Variants in AKAP6 observed in about 807,000 individuals in gnomAD.
AKAP6 encodes A-kinase anchor protein 6.
Under a neutral mutation model 188.5 loss-of-function variants are expected in AKAP6, and 58 were observed. The observed-to-expected ratio is 0.31, with a 90% CI of 0.25 to 0.38. The LOEUF (loss-of-function observed/expected upper bound fraction) is 0.38, where lower values mean the gene tolerates loss of function less well. Ranked by LOEUF, AKAP6 falls within the 10% of genes least tolerant of loss-of-function variation. The pLI is 1.00. For synonymous variants in AKAP6, 989 were observed against 998.6 expected, an observed-to-expected ratio of 0.99 and a Z score of 0.18; for missense variants, 2,710 against 2,740.0, an observed-to-expected ratio of 0.99 and a Z score of 0.24.
intron 7 of AKAP6, among the ~76,000 whole-genome samples, chr14:32,642,078 TA>T (rs1416941008): frequency 1.3e-5 from 2 of 152,214 alleles, no homozygotes; most frequent in East Asian, 3.8e-4. Flanking sequence ...TTCCACAAGA[TA>T]AAAGGCTAGT....
chr14:32,630,221 A>T (rs1887210490), intron 7 of AKAP6, among the ~76,000 whole-genome samples: 1 of 152,128 alleles, frequency 6.6e-6, no homozygotes, highest in Non-Finnish European at 1.5e-5. Context: ...AGAAGATCTT[A>T]TTTCATAGGC....
intron 2 of AKAP6, among the ~76,000 whole-genome samples, chr14:32,456,144 A>G (rs1222087881): frequency 6.6e-6 from 1 of 152,204 alleles, no homozygotes; most frequent in Non-Finnish European, 1.5e-5. Context: ...AGTTGATTAT[A>G]AAGCAGAAAC....
intron 7 of AKAP6, among the ~76,000 whole-genome samples, chr14:32,642,384 G>T (rs904036694): frequency 2.6e-5 from 4 of 152,150 alleles, no homozygotes; most frequent in African/African-American, 4.8e-5. Context: ...AATAGATTTT[G>T]ATCTACGTTG....
intron 1 of AKAP6, among the ~76,000 whole-genome samples, chr14:32,427,830 T>A (rs1346972525): frequency 6.6e-6 from 1 of 152,218 alleles, no homozygotes; most frequent in Non-Finnish European, 1.5e-5. Flanking sequence ...AAAAGGAAAC[T>A]TATGTGATGC....
intron 11 of AKAP6, among the ~76,000 whole-genome samples, chr14:32,746,584 C>T (rs547183554): frequency 6.6e-6 from 1 of 152,248 alleles, no homozygotes; most frequent in South Asian, 2.1e-4. Context: ...AATTGGTGTA[C>T]TTGTCAAGAG....
chr14:32,712,814 C>A (rs905766309), intron 9 of AKAP6, among the ~76,000 whole-genome samples: 2 of 152,034 alleles, frequency 1.3e-5, no homozygotes, highest in Non-Finnish European at 1.5e-5. Context: ...CCTCAGTCAT[C>A]CATAAGGGTT....
chr14:32,408,893 A>C (rs1594585484), intron 1 of AKAP6, among the ~76,000 whole-genome samples: 1 of 152,266 alleles, frequency 6.6e-6, no homozygotes, highest in East Asian at 1.9e-4. Flanking sequence ...ATAACCCAAT[A>C]AGATTAGTTT....
rs150292871 is a variant in AKAP6 at position 32,351,947 on chromosome 14, G to A, written c.-35+22539G>A. On this transcript the variant is annotated intron_variant, in intron 1 of 13. Coordinates refer to ENST00000280979, the MANE Select transcript of AKAP6 (RefSeq NM_004274.5). ...ATTTTTTCATTTCTCCTTGTAACAGGCAGAGCTGTGATTTGAACTTGGGTT... is the reference window on the plus strand; with the variant it reads ...ATTTTTTCATTTCTCCTTGTAACAGACAGAGCTGTGATTTGAACTTGGGTT... Among the ~76,000 whole-genome samples the A allele has an allele frequency of 2.8e-3, 429 of 152,092 alleles. 2 individuals are homozygous for A. Among genetic ancestry groups the A allele is most frequent in the African/African-American group, 9.7e-3 (402 of 41,486 alleles).
chr14:32,632,935 A>C (rs1887337671), intron 7 of AKAP6, among the ~76,000 whole-genome samples: 1 of 152,144 alleles, frequency 6.6e-6, no homozygotes, highest in African/African-American at 2.4e-5. Context: ...TATCACATAT[A>C]TTTTGTATGA....
chr14:32,770,998 A>G (rs2032880247), intron 11 of AKAP6, among the ~76,000 whole-genome samples: 1 of 152,206 alleles, frequency 6.6e-6, no homozygotes, highest in African/African-American at 2.4e-5. Flanking sequence ...ATGAAGCCAA[A>G]GATAGTTATA....
At chr14:32,735,606 G>GTTTTT in intron 10 of AKAP6, 52 bp from the exon 11 acceptor site, 3 of 1,317,938 alleles carry the variant, frequency 2.3e-6, no homozygotes, top group Non-Finnish European at 3.1e-6. Flanking sequence ...TGTTCGTGGG[G>GTTTTT]TTTTTTTTTG....
chr14:32,390,557 C>T (rs1408183788), intron 1 of AKAP6, among the ~76,000 whole-genome samples: 2 of 152,094 alleles, frequency 1.3e-5, no homozygotes, highest in Non-Finnish European at 2.9e-5. Flanking sequence ...TGATGTAGTA[C>T]TCTCCCCCTT....
chr14:32,549,962 A>T (rs965707862), intron 4 of AKAP6, among the ~76,000 whole-genome samples: 21 of 152,218 alleles, frequency 1.4e-4, no homozygotes, highest in African/African-American at 4.8e-4. Flanking sequence ...AACTGCTGTG[A>T]TGTGGATCAG....
In AKAP6 at chr14:32,780,847, A is replaced by G. The variant is rs139460875; in HGVS notation, c.3588+6954A>G. 4.3e-3 allele frequency among the ~76,000 whole-genome samples: 655 copies of G among 152,346 alleles called. 11 individuals are homozygous for G. The highest frequency in any genetic ancestry group is 0.036 in the Admixed American group (546 of 15,304). The stretch of plus-strand genomic sequence containing the variant: ...ATTAGTTTCAAAATAAGTAATAGCA[A>G]TATATTTGGAAAATCCTCAAATACA... On this transcript the variant is annotated intron_variant, in intron 12 of 13. Transcript: ENST00000280979.
chr14:32,574,269 T>C (rs1884625652), intron 4 of AKAP6, among the ~76,000 whole-genome samples: 1 of 152,126 alleles, frequency 6.6e-6, no homozygotes, highest in Non-Finnish European at 1.5e-5. Flanking sequence ...GAGGGTGGGA[T>C]ATAACTCAGA....
chr14:32,515,087 G>T (rs983134308), intron 2 of AKAP6, among the ~76,000 whole-genome samples: 4 of 152,160 alleles, frequency 2.6e-5, no homozygotes, highest in African/African-American at 9.7e-5. Context: ...AAGGAAAGAG[G>T]TTTAATGGGC....
intron 7 of AKAP6, among the ~76,000 whole-genome samples, chr14:32,627,760 T>A (rs1410524891): frequency 6.6e-6 from 1 of 152,168 alleles, no homozygotes; most frequent in African/African-American, 2.4e-5. Context: ...CACTTCTAAG[T>A]TTAACACCAC....
At chr14:32,378,094 ACT>A (rs1169816321) in intron 1 of AKAP6, among the ~76,000 whole-genome samples, 2 of 152,256 alleles carry the variant, frequency 1.3e-5, no homozygotes, top group African/African-American at 2.4e-5. Context: ...CTAAAGAGTA[ACT>A]CTCAAAATTT....
At chr14:32,627,779 C>A (rs1399159944) in intron 7 of AKAP6, among the ~76,000 whole-genome samples, 1 of 152,108 alleles carries the variant, frequency 6.6e-6, no homozygotes, top group Non-Finnish European at 1.5e-5. Context: ...ACATGCAAAG[C>A]CCAGTTAGAA....
Sources: gnomAD v4.1 joint callset for allele counts (sites outside exome capture counted in the v4.1 genomes callset) on GRCh38, gnomAD v4.1.1 for gene constraint, MANE v1.5 for transcripts, NCBI Gene and HGNC (gene_info 2026-07-23, HGNC 2026-07-21) for gene names.